The following RABGAP1L variants were observed in gnomAD, a reference collection of about 807,000 sequenced individuals.
RABGAP1L encodes rab GTPase-activating protein 1-like.
A neutral mutation model predicts 137.7 loss-of-function variants in RABGAP1L; 63 were observed. The observed-to-expected ratio is 0.46, with a 90% CI of 0.37 to 0.56. The LOEUF (loss-of-function observed/expected upper bound fraction) is 0.56, where lower values mean the gene tolerates loss of function less well. RABGAP1L is among the 20% of genes least tolerant of loss of function. The pLI is 0.00. For missense variants in RABGAP1L, 1,095 were observed against 1,244.0 expected (o/e 0.88, Z 1.80); for synonymous variants, 431 against 433.7 (o/e 0.99, Z 0.08).
At chr1:174,915,088 T>G (rs562979582) in intron 19 of RABGAP1L, among the ~76,000 whole-genome samples, 1 of 152,350 alleles carries the variant, frequency 6.6e-6, no homozygotes, top group Admixed American at 6.5e-5. Context: ...TGATGGACTT[T>G]TTGCTTGTTT....
At chr1:174,598,458 G>T (rs567421372) in intron 13 of RABGAP1L, among the ~76,000 whole-genome samples, 2 of 151,824 alleles carry the variant, frequency 1.3e-5, no homozygotes, top group Non-Finnish European at 2.9e-5. Context: ...CAATTTTTTT[G>T]TTGATTTTTC....
At chr1:174,860,806 G>T (rs914435719) in intron 19 of RABGAP1L, among the ~76,000 whole-genome samples, 30 of 152,172 alleles carry the variant, frequency 2.0e-4, no homozygotes, top group African/African-American at 7.0e-4. Flanking sequence ...AGATATAAAT[G>T]ACAAATAAAA....
intron 10 of RABGAP1L, among the ~76,000 whole-genome samples, chr1:174,292,815 A>G (rs1398639586): frequency 2.6e-5 from 4 of 152,178 alleles, no homozygotes; most frequent in African/African-American, 9.6e-5. Flanking sequence ...AACAATTTCT[A>G]TGACTATTAC....
intron 4 of RABGAP1L, among the ~76,000 whole-genome samples, chr1:174,235,063 C>A (rs1426033607): frequency 7.2e-6 from 1 of 139,138 alleles, no homozygotes; most frequent in African/African-American, 2.9e-5. Context: ...ATTTGGCTCT[C>A]TGTTTGTTTG....
At chr1:174,766,899 A>G (rs1176728781) in intron 18 of RABGAP1L, among the ~76,000 whole-genome samples, 1 of 152,200 alleles carries the variant, frequency 6.6e-6, no homozygotes, top group Non-Finnish European at 1.5e-5. Flanking sequence ...TTTACAATCT[A>G]TTCTCTCCAA....
intron 17 of RABGAP1L, among the ~76,000 whole-genome samples, chr1:174,717,459 T>TAGTACTGATTAAACCTCTC (rs1681114750): frequency 6.6e-6 from 1 of 152,138 alleles, no homozygotes; most frequent in Non-Finnish European, 1.5e-5. Flanking sequence ...AAATATCCAA[T>TAGTACTGATTAAACCTCTC]AGTACTGATT....
chr1:174,269,375 A>G (rs570943602), intron 7 of RABGAP1L, among the ~76,000 whole-genome samples: 1 of 152,356 alleles, frequency 6.6e-6, no homozygotes, highest in South Asian at 2.1e-4. Flanking sequence ...CAGGGAGCTT[A>G]TAGTCTTTTA....
chr1:174,548,050 T>C, intron 13 of RABGAP1L: 1 of 1,550,470 alleles, frequency 6.4e-7, no homozygotes, highest in Non-Finnish European at 8.7e-7. Context: ...GCTTAATGCC[T>C]GTTAAATGCG....
At chr1:174,392,579 C>G (rs1647285977) in intron 12 of RABGAP1L, among the ~76,000 whole-genome samples, 1 of 152,128 alleles carries the variant, frequency 6.6e-6, no homozygotes, top group South Asian at 2.1e-4. Context: ...TGATGGTTTA[C>G]TAAAATTATT....
intron 1 of RABGAP1L, among the ~76,000 whole-genome samples, chr1:174,174,983 T>C (rs1665715913): frequency 6.6e-6 from 1 of 152,208 alleles, no homozygotes; most frequent in Admixed American, 6.5e-5. Flanking sequence ...AAACTAGCTA[T>C]CACAGTAAAT....
intron 1 of RABGAP1L, among the ~76,000 whole-genome samples, chr1:174,210,056 G>A (rs1408765852): frequency 2.0e-5 from 3 of 152,198 alleles, no homozygotes; most frequent in South Asian, 2.1e-4. Context: ...TGGATGGAGT[G>A]CCCCTAATGC....
At chr1:174,975,933 C>G in intron 21 of RABGAP1L, 145 bp from the exon 22 acceptor site, 1 of 667,962 alleles carries the variant, frequency 1.5e-6, no homozygotes. Context: ...AAGCAGCCAT[C>G]GCTTGGTTGA....
At chr1:174,262,140 A>T (rs1571829449) in intron 7 of RABGAP1L, among the ~76,000 whole-genome samples, 2 of 152,164 alleles carry the variant, frequency 1.3e-5, no homozygotes, top group African/African-American at 4.8e-5. Context: ...ATTGATAGAA[A>T]GCTATTGGCA....
intron 13 of RABGAP1L, among the ~76,000 whole-genome samples, chr1:174,498,407 T>G (rs1276355816): frequency 2.0e-5 from 3 of 152,204 alleles, no homozygotes; most frequent in Non-Finnish European, 2.9e-5. Flanking sequence ...ATTATTACTG[T>G]GCGACTTTGA....
At chr1:174,947,877 G>A (rs1266134286) in intron 19 of RABGAP1L, among the ~76,000 whole-genome samples, 1 of 152,090 alleles carries the variant, frequency 6.6e-6, no homozygotes, top group Admixed American at 6.5e-5. Context: ...AATATTTTGG[G>A]ACACTAAAAT....
At chr1:174,364,612 C>T (rs1413639149) in intron 11 of RABGAP1L, among the ~76,000 whole-genome samples, 1 of 152,154 alleles carries the variant, frequency 6.6e-6, no homozygotes, top group Non-Finnish European at 1.5e-5. Context: ...TTATTAATTT[C>T]TTCTAGATTT....
chr1:174,957,480 A>T lies in RABGAP1L; in HGVS notation c.2364A>T (p.Lys788Asn). The change falls in exon 20 of 26, where the codon AAA becomes AAT. Residue 788 changes from lysine to asparagine, a missense_variant. Transcript: ENST00000681986. ...NIKVPTKKLK[K>N]YEKEYQTMRE... The stretch of plus-strand genomic sequence containing the variant: ...AGGTACCAACCAAGAAGCTGAAGAA[A>T]TATGAGAAAGAATATCAGACAATGC... The T allele has an allele frequency of 6.2e-7, 1 of 1,613,690 alleles. No individual in the cohort carries two copies. The highest frequency in any genetic ancestry group is 8.5e-7 in the Non-Finnish European group (1 of 1,179,606).
chr1:174,799,253 A>ATTTGCATTGCAAAGAGTCATTATT (rs1688515611), intron 18 of RABGAP1L, among the ~76,000 whole-genome samples: 1 of 152,106 alleles, frequency 6.6e-6, no homozygotes, highest in Admixed American at 6.5e-5. Context: ...TGCTTCTTGT[A>ATTTGCATTGCAAAGAGTCATTATT]TTTGCATTGC....
At chr1:174,875,948 AT>A (rs541419453) in intron 19 of RABGAP1L, among the ~76,000 whole-genome samples, 1 of 152,110 alleles carries the variant, frequency 6.6e-6, no homozygotes, top group Non-Finnish European at 1.5e-5. Context: ...AAAATATTGC[AT>A]TTTTTTGTTT....
Sources: gnomAD v4.1 joint callset for allele counts (sites outside exome capture counted in the v4.1 genomes callset) on GRCh38, gnomAD v4.1.1 for gene constraint, MANE v1.5 for transcripts, NCBI Gene and HGNC (gene_info 2026-07-23, HGNC 2026-07-21) for gene names.